Variants in MEI4 observed in about 807,000 individuals in gnomAD.
The protein encoded by MEI4 is meiotic double-stranded break formation protein 4.
A neutral mutation model predicts 31.4 loss-of-function variants in MEI4; 27 were observed. The ratio of observed to expected loss-of-function variants is 0.86; its 90% CI spans 0.63 to 1.19. The LOEUF is 1.19. Among genes scored for constraint, MEI4 ranks in the 50% most tolerant of loss-of-function variants. The pLI, the probability that MEI4 is intolerant of heterozygous loss-of-function variation, is 0.00. For missense variants in MEI4, 329 were observed against 398.9 expected (o/e 0.82, Z 1.49); for synonymous variants, 122 against 145.4 (o/e 0.84, Z 1.16).
At chr6:77,755,512 A>G (rs1437721424) in intron 2 of MEI4, among the ~76,000 whole-genome samples, 1 of 151,746 alleles carries the variant, frequency 6.6e-6, no homozygotes, top group Non-Finnish European at 1.5e-5. Flanking sequence ...TCCACCTCCC[A>G]TGTTCAATCA....
At chr6:77,669,305 C>T (rs920050159) in intron 1 of MEI4, among the ~76,000 whole-genome samples, 1 of 152,186 alleles carries the variant, frequency 6.6e-6, no homozygotes, top group Non-Finnish European at 1.5e-5. Flanking sequence ...GTTAAATATT[C>T]TTTCTCATAC....
intron 4 of MEI4, among the ~76,000 whole-genome samples, chr6:77,874,013 T>C (rs1284226331): frequency 6.6e-6 from 1 of 152,224 alleles, no homozygotes; most frequent in Non-Finnish European, 1.5e-5. Flanking sequence ...TGTAGCCTTG[T>C]AGTATAGTTT....
intron 3 of MEI4, among the ~76,000 whole-genome samples, chr6:77,768,935 G>A (rs113461656): frequency 8.1e-4 from 124 of 152,214 alleles, no homozygotes; most frequent in African/African-American, 2.9e-3. Flanking sequence ...GGCAGAGCAA[G>A]ATACCCAAAT....
In MEI4 at chr6:77,795,403, A is replaced by G. The variant is rs144586215; in HGVS notation, c.769-33528A>G. Among the ~76,000 whole-genome samples, 703 of 152,216 alleles carry G rather than the reference A, an allele frequency of 4.6e-3. 7 individuals are homozygous for G. The highest frequency in any genetic ancestry group is 0.022 in the South Asian group (104 of 4,820). The stretch of plus-strand genomic sequence containing the variant: ...TACAGTCATGCATGCACTCACATCA[A>G]AATACAAGCCTTTTGTCCTACCTAC... On this transcript the variant is annotated intron_variant, in intron 3 of 4. Transcript: ENST00000684080.
rs55947073 is a variant in MEI4, at chr6:77,883,745, A to ATATATATATATATATATATAT, written c.901-39344_901-39343insTATATATATATATATATATAT. Among the ~76,000 whole-genome samples, 298 of 82,242 alleles carry ATATATATATATATATATATAT rather than the reference A, an allele frequency of 3.6e-3. 12 individuals carry two copies. The highest frequency in any genetic ancestry group is 5.5e-3 in the Middle Eastern group (1 of 182). The allele number at this position is 82,242 out of a possible 152,430, so 54.0% of individuals were successfully genotyped here. ...ATATATATATATATATATATATATA[A>ATATATATATATATATATATAT]CTTTGTCTTTGTCTATTCATTTATT... On this transcript the variant is annotated intron_variant, in intron 4 of 4. Transcript: ENST00000684080.
intron 3 of MEI4, among the ~76,000 whole-genome samples, chr6:77,800,571 G>A (rs1371035607): frequency 6.6e-6 from 1 of 152,188 alleles, no homozygotes; most frequent in Non-Finnish European, 1.5e-5. Context: ...TCTTGTGCCA[G>A]TTTTCAAAGG....
chr6:77,731,038 T>A (rs1037581443), intron 2 of MEI4, among the ~76,000 whole-genome samples: 1 of 151,958 alleles, frequency 6.6e-6, no homozygotes, highest in African/African-American at 2.4e-5. Flanking sequence ...TGTTGGACAT[T>A]TGGGTTGGTT....
intron 4 of MEI4, among the ~76,000 whole-genome samples, chr6:77,840,022 G>A (rs1179961453): frequency 6.6e-6 from 1 of 152,122 alleles, no homozygotes; most frequent in African/African-American, 2.4e-5. Context: ...TGCTCCTTGA[G>A]GTAAACATCA....
At chr6:77,750,557 C>A (rs1767742554) in intron 2 of MEI4, among the ~76,000 whole-genome samples, 1 of 152,120 alleles carries the variant, frequency 6.6e-6, no homozygotes, top group Non-Finnish European at 1.5e-5. Flanking sequence ...ATCAATACAA[C>A]AAGAAGAGCT....
rs144836680 is a variant in MEI4 at position 77,691,521 on chromosome 6, A to G, written c.232+618A>G. Among the ~76,000 whole-genome samples, 904 of 152,162 alleles carry G rather than the reference A, an allele frequency of 5.9e-3. 6 individuals are homozygous for G. Among genetic ancestry groups the G allele is most frequent in the African/African-American group, 0.02 (851 of 41,528 alleles). On this transcript the variant is annotated intron_variant, in intron 2 of 4. Coordinates refer to ENST00000684080, the MANE Select transcript of MEI4 (RefSeq NM_001322247.2). ...AAGATGCAGGAGCGTGTGCAAAGGC[A>G]CTGGAGTGGAGAATACATATTGCAT...
chr6:77,710,901 A>T (rs1166849701), intron 2 of MEI4, among the ~76,000 whole-genome samples: 1 of 152,186 alleles, frequency 6.6e-6, no homozygotes, highest in Non-Finnish European at 1.5e-5. Context: ...AAATGCCCTC[A>T]TTGGCAGTTT....
chr6:77,810,092 C>T (rs1035901326), intron 3 of MEI4, among the ~76,000 whole-genome samples: 1 of 152,282 alleles, frequency 6.6e-6, no homozygotes, highest in African/African-American at 2.4e-5. Context: ...TAAATCAATG[C>T]ATGCTGAGCA....
intron 3 of MEI4, among the ~76,000 whole-genome samples, chr6:77,782,225 G>A (rs1178311097): frequency 6.6e-6 from 1 of 151,856 alleles, no homozygotes; most frequent in African/African-American, 2.4e-5. Flanking sequence ...TGAGAGAAGG[G>A]GAGAACTTGA....
At chr6:77,673,846 T>C (rs1242983335) in intron 1 of MEI4, among the ~76,000 whole-genome samples, 1 of 152,202 alleles carries the variant, frequency 6.6e-6, no homozygotes, top group Admixed American at 6.5e-5. Flanking sequence ...ATTGTATGAA[T>C]AGTGTCCTGA....
At chr6:77,793,801 T>G (rs1220148765) in intron 3 of MEI4, among the ~76,000 whole-genome samples, 1 of 151,442 alleles carries the variant, frequency 6.6e-6, no homozygotes, top group Non-Finnish European at 1.5e-5. Flanking sequence ...CAGAAAAAAT[T>G]AAGAGAAAAA....
intron 2 of MEI4, among the ~76,000 whole-genome samples, chr6:77,695,208 T>C (rs1402009088): frequency 2.0e-5 from 3 of 152,096 alleles, no homozygotes; most frequent in East Asian, 1.9e-4. Context: ...TCCCATTTTG[T>C]AGGTTGCCTG....
chr6:77,915,556 T>G (rs143780108), intron 4 of MEI4, among the ~76,000 whole-genome samples: 24 of 152,200 alleles, frequency 1.6e-4, no homozygotes, highest in Admixed American at 5.2e-4. Flanking sequence ...TTGCTATTGC[T>G]CTCTTTGCCT....
At chr6:77,922,643 G>A (rs764204559) in intron 4 of MEI4, among the ~76,000 whole-genome samples, 5 of 151,618 alleles carry the variant, frequency 3.3e-5, no homozygotes, top group Admixed American at 6.6e-5. Flanking sequence ...AGTTGTATCA[G>A]GAAGATTCAG....
chr6:77,768,467 A>G (rs1768228410), intron 3 of MEI4, among the ~76,000 whole-genome samples: 1 of 152,146 alleles, frequency 6.6e-6, no homozygotes, highest in Non-Finnish European at 1.5e-5. Flanking sequence ...TGGGAGGCTG[A>G]GGTGGGTAGA....
Sources: allele counts gnomAD v4.1 joint callset (sites outside exome capture counted in the v4.1 genomes callset), GRCh38; gene constraint gnomAD v4.1.1; transcripts MANE v1.5; gene names NCBI Gene and HGNC (gene_info 2026-07-23, HGNC 2026-07-21).